The following TRIML1 variants were observed in gnomAD, a reference collection of about 807,000 sequenced individuals.
TRIML1 encodes the protein tripartite motif family like 1.
Under a neutral mutation model 32.3 loss-of-function variants are expected in TRIML1, and 34 were observed. That is an observed-to-expected ratio of 1.05 (90% confidence interval 0.80 to 1.40). The LOEUF (loss-of-function observed/expected upper bound fraction) is 1.40. TRIML1 is among the 40% of genes most tolerant of loss of function. The probability of loss-of-function intolerance (pLI) is 0.00; values close to 1 mark genes in which losing one functional copy is unlikely to be tolerated. For synonymous variants in TRIML1, 244 were observed against 226.6 expected (o/e 1.08, Z -0.69); for missense variants, 595 against 574.9 (o/e 1.03, Z -0.36).
intron 5 of TRIML1, 132 bp downstream of exon 5, chr4:188,144,265 G>C (rs77686774): frequency 0.078 from 57,706 of 735,124 alleles, 5,091 homozygotes; most frequent in East Asian, 0.29. Flanking sequence ...CGGAACACCA[G>C]GGAGGGCTGG....
At chr4:188,146,650 T>C (rs1471371333) in intron 5 of TRIML1, among the ~76,000 whole-genome samples, 172 bp from the exon 6 acceptor site, 2 of 152,140 alleles carry the variant, frequency 1.3e-5, no homozygotes, top group Non-Finnish European at 2.9e-5. Context: ...CCTTGTGATC[T>C]GCCTGCCTCA....
At position 188,147,288 on chromosome 4, in the gene TRIML1, C is replaced by T; in HGVS notation, c.1323C>T (p.Leu441=). 1 of 1,563,588 alleles carries T rather than the reference C, an allele frequency of 6.4e-7. No individual in the cohort carries two copies. Among genetic ancestry groups the T allele is most frequent in the East Asian group, 2.3e-5 (1 of 44,376 alleles). Reference sequence around the variant, plus strand: ...CGCAGGCTTCTTTCCAAGAGGCCCTCAGGCCTATCTTTTCCCCCTGCCTCC... The same window carrying T: ...CGCAGGCTTCTTTCCAAGAGGCCCTTAGGCCTATCTTTTCCCCCTGCCTCC... ...SFPQASFQEA[L]RPIFSPCLPN... The change falls in exon 6 of 6, where the codon CTC becomes CTT. Residue 441 remains leucine, a synonymous_variant. Transcript: ENST00000332517.
intron 1 of TRIML1, 57 bp from the exon 2 acceptor site, chr4:188,140,471 C>A: frequency 1.4e-6 from 2 of 1,411,010 alleles, no homozygotes; most frequent in Non-Finnish European, 1.0e-6. Context: ...GTCTTCAAAG[C>A]CCCTTCATGA....
chr4:188,150,191 T>A (rs1330850959), downstream of TRIML1, among the ~76,000 whole-genome samples: 4 of 151,696 alleles, frequency 2.6e-5, no homozygotes, highest in African/African-American at 9.7e-5. Flanking sequence ...AGTGGCATGA[T>A]CTCGGCTCAC....
chr4:188,140,651 T>C (rs781422167), intron 2 of TRIML1, 28 bp downstream of exon 2: 1 of 1,524,374 alleles, frequency 6.6e-7, no homozygotes, highest in South Asian at 1.1e-5. Context: ...TTTTGCTGCT[T>C]GTATATGACC....
intron 5 of TRIML1, among the ~76,000 whole-genome samples, chr4:188,144,420 G>T (rs59615584): frequency 0.14 from 20,234 of 147,562 alleles, 1,862 homozygotes; most frequent in East Asian, 0.4. Context: ...TGGAGCGCAG[G>T]GGCGCGATCT....
At chr4:188,144,417 C>CG (rs1249683295) in intron 5 of TRIML1, among the ~76,000 whole-genome samples, 52 of 148,536 alleles carry the variant, frequency 3.5e-4, no homozygotes, top group African/African-American at 1.2e-3. Flanking sequence ...GGCTGGAGCG[C>CG]AGGGGCGCGA....
At position 188,147,529 on chromosome 4, in the gene TRIML1, A is replaced by G; in HGVS notation, c.*157A>G. ...GAGTTTCCATTAACTTGATCCCATT[A>G]TGAACAGCCACATTACACAATCAAC... On this transcript the variant is annotated 3_prime_UTR_variant, in exon 6 of 6. Coordinates refer to ENST00000332517, the MANE Select transcript of TRIML1 (RefSeq NM_178556.5). 1 of 490,168 alleles carries G rather than the reference A, an allele frequency of 2.0e-6. No individual in the cohort carries two copies. Among genetic ancestry groups the G allele is most frequent in the East Asian group, 3.4e-5 (1 of 29,670 alleles). 30.4% of individuals were successfully genotyped at this position (490,168 alleles called of 1,614,324 possible). A position where few individuals can be genotyped will look rare whatever the true frequency, so the allele number is the denominator to read the frequency against.
intron 1 of TRIML1, 150 bp downstream of exon 1, chr4:188,140,116 T>G: frequency 1.3e-6 from 1 of 757,124 alleles, no homozygotes; most frequent in Non-Finnish European, 2.0e-6. Context: ...GTTTACACCC[T>G]TTTTTTTCCC....
In TRIML1 at chr4:188,147,441, G is replaced by A. The variant is rs923788673; in HGVS notation, c.*69G>A. 6 of 1,335,432 alleles carry A rather than the reference G, an allele frequency of 4.5e-6. No individual in the cohort carries two copies. Among genetic ancestry groups the A allele is most frequent in the Non-Finnish European group, 4.9e-6 (5 of 1,023,272 alleles). 82.7% of individuals were successfully genotyped at this position (1,335,432 alleles called of 1,614,324 possible). On this transcript the variant is annotated 3_prime_UTR_variant, in exon 6 of 6. Transcript: ENST00000332517. ...AGACACAACTATTAAGACGATGAAG[G>A]CATCGACAGTATTAATGTCAGGTGA... is the stretch of plus-strand genomic sequence containing the variant.
intron 5 of TRIML1, among the ~76,000 whole-genome samples, chr4:188,145,452 AAAAAAAAAAAAAAAAAAAAAAAAAG>A (rs1330921883): frequency 1.4e-5 from 1 of 69,188 alleles, no homozygotes; most frequent in African/African-American, 4.4e-5. Context: ...AAAAAAAAAA[AAAAAAAAAAAAAAAAAAAAAAAAAG>A]TCAGAAATGG....
At chr4:188,145,928 T>G (rs754035936) in intron 5 of TRIML1, among the ~76,000 whole-genome samples, 2 of 152,206 alleles carry the variant, frequency 1.3e-5, no homozygotes, top group Non-Finnish European at 2.9e-5. Context: ...GGAAGCTGCA[T>G]TTGTCATGAC....
chr4:188,143,229 T>C (rs906366169), intron 3 of TRIML1: 1 of 152,950 alleles, frequency 6.5e-6, no homozygotes, highest in Non-Finnish European at 1.5e-5. Flanking sequence ...CTAAGTTTTG[T>C]ATTTTTAGTA....
intron 5 of TRIML1, 46 bp downstream of exon 5, chr4:188,144,179 C>T (rs765554088): frequency 6.7e-7 from 1 of 1,485,610 alleles, no homozygotes; most frequent in South Asian, 1.2e-5. Flanking sequence ...GAAGAATTAA[C>T]TTCAGCATAC....
downstream of TRIML1, among the ~76,000 whole-genome samples, chr4:188,150,146 G>T (rs1332588718): frequency 6.6e-6 from 1 of 151,154 alleles, no homozygotes; most frequent in Non-Finnish European, 1.5e-5. Flanking sequence ...TATTTTTTGA[G>T]ACAGAGTTTT....
In TRIML1 at chr4:188,139,687, C is replaced by G. The variant is rs1186054690; in HGVS notation, c.129C>G (p.Ser43Arg). The G allele has an allele frequency of 1.2e-6, 2 of 1,613,960 alleles. No homozygotes were observed. Among genetic ancestry groups the G allele is most frequent in the African/African-American group, 1.3e-5 (1 of 74,916 alleles). ...TTTGTCTGGTGTGTCTCCTCAGGAGCTGGGAGGAACATAACACACCTTTAT... is the reference window on the plus strand; with the variant it reads ...TTTGTCTGGTGTGTCTCCTCAGGAGGTGGGAGGAACATAACACACCTTTAT... ...HSFCLVCLLR[S>R]WEEHNTPLSC... is the part of the protein sequence containing the mutation. The change falls in exon 1 of 6, where the codon AGC (serine) becomes AGG (arginine). Residue 43 changes from serine to arginine, a missense_variant. By Grantham distance (110) the Ser-to-Arg change is moderately radical (BLOSUM62 -1). Coordinates refer to ENST00000332517, the MANE Select transcript of TRIML1 (RefSeq NM_178556.5).
At chr4:188,146,698 C>A in intron 5 of TRIML1, 124 bp from the exon 6 acceptor site, 1 of 766,296 alleles carries the variant, frequency 1.3e-6, no homozygotes, top group Non-Finnish European at 1.9e-6. Flanking sequence ...CGAGCCATCA[C>A]GCCCGGCCCC....
intron 5 of TRIML1, 38 bp downstream of exon 5, chr4:188,144,171 A>C: frequency 6.5e-7 from 1 of 1,547,700 alleles, no homozygotes; most frequent in African/African-American, 1.4e-5. Flanking sequence ...CGGGGCTCGA[A>C]GAATTAACTT....
chr4:188,148,430 G>A (rs531531584), downstream of TRIML1, among the ~76,000 whole-genome samples: 33 of 152,036 alleles, frequency 2.2e-4, no homozygotes, highest in African/African-American at 7.9e-4. Flanking sequence ...GGCGGCGGAG[G>A]TTGCAGTGAG....
Sources: allele counts gnomAD v4.1 joint callset (sites outside exome capture counted in the v4.1 genomes callset), GRCh38; gene constraint gnomAD v4.1.1; transcripts MANE v1.5; gene names NCBI Gene and HGNC (gene_info 2026-07-23, HGNC 2026-07-21).